The following PCBP2 variants were observed in gnomAD, a reference collection of about 807,000 sequenced individuals.
PCBP2 encodes poly(rC) binding protein 2, also known as poly(rC)-binding protein 2.
In PCBP2, 4 loss-of-function variants were observed where a neutral mutation model predicts 50.1. The observed-to-expected ratio is 0.08, with a 90% confidence interval of 0.04 to 0.18. The LOEUF (loss-of-function observed/expected upper bound fraction) is 0.18, where lower values mean the gene tolerates loss of function less well. PCBP2 is among the 10% of genes least tolerant of loss of function. The pLI is 1.00. For missense variants in PCBP2, 161 were observed against 474.3 expected, an observed-to-expected ratio of 0.34 and a Z score of 6.14; for synonymous variants, 179 against 168.0, an observed-to-expected ratio of 1.07 and a Z score of -0.51.
chr12:53,471,607 C>T (rs753957962), intron 13 of PCBP2, 31 bp from the exon 14 acceptor site: 14 of 1,585,280 alleles, frequency 8.8e-6, no homozygotes, highest in East Asian at 2.2e-5. Flanking sequence ...AACTCTAATT[C>T]GGTGTGCCTT....
intron 14 of PCBP2, among the ~76,000 whole-genome samples, chr12:53,478,937 C>CT (rs1468055566): frequency 6.6e-6 from 1 of 152,028 alleles, no homozygotes; most frequent in Admixed American, 6.6e-5. Flanking sequence ...AACTCCAGGG[C>CT]TTTAAAGTAA....
At position 53,480,183 on chromosome 12, in the gene PCBP2, CCA is replaced by C. The variant is rs1384386106; in HGVS notation, c.*742_*743del. 2.6e-5 allele frequency: 4 copies of C among 152,138 alleles called. No homozygotes were observed. The highest frequency in any genetic ancestry group is 9.7e-5 in the African/African-American group (4 of 41,402). The allele number at this position is 152,138 out of a possible 1,614,324, so 9.4% of individuals were successfully genotyped here. ...AGTTGATCATATGTCTGACTGGGTT[CCA>C]GTTTCTTGGGAATGTTGGTCCCCTT... On this transcript the variant is annotated 3_prime_UTR_variant, in exon 15 of 15. Coordinates refer to ENST00000546463, the MANE Select transcript of PCBP2 (RefSeq NM_031989.5).
At position 53,454,877 on chromosome 12, in the gene PCBP2, C is replaced by G. The variant is rs376806119; in HGVS notation, c.69+8C>G. On this transcript the variant is annotated splice_region_variant and intron_variant, in intron 2 of 14. Coordinates refer to ENST00000546463, the MANE Select transcript of PCBP2 (RefSeq NM_031989.5). Reference sequence around the variant, plus strand: ...CTACTTATGCATGGAAAGGTATGCTCTAGCTTGGGAAATGGGGTCATAGTA... The same window carrying G: ...CTACTTATGCATGGAAAGGTATGCTGTAGCTTGGGAAATGGGGTCATAGTA... 6.2e-6 allele frequency: 10 copies of G among 1,612,628 alleles called. No individual in the cohort carries two copies. In the Admixed American group the frequency reaches 8.3e-5, roughly 13 times the overall value.
In PCBP2 at chr12:53,481,138, A is replaced by T. The variant is rs1322100774; in HGVS notation, c.*1696A>T. Reference sequence around the variant, plus strand: ...ATATATATATATGTATATATATATAATTTATATAAATATTTCTCTATGTAC... The same window carrying T: ...ATATATATATATGTATATATATATATTTTATATAAATATTTCTCTATGTAC... On this transcript the variant is annotated 3_prime_UTR_variant, in exon 15 of 15. Transcript: ENST00000546463. 2 of 805,112 alleles carry T rather than the reference A, an allele frequency of 2.5e-6. No homozygotes were observed. The highest frequency in any genetic ancestry group is 4.4e-5 in the East Asian group (1 of 22,612). The allele number at this position is 805,112 out of a possible 1,614,324, so 49.9% of individuals were successfully genotyped here. A position where few individuals can be genotyped will look rare whatever the true frequency, so the allele number is the denominator to read the frequency against.
intron 5 of PCBP2, among the ~76,000 whole-genome samples, chr12:53,458,367 G>C (rs2137033229): frequency 6.7e-6 from 1 of 149,958 alleles, no homozygotes; most frequent in African/African-American, 2.5e-5. Context: ...GTGCAGTGGT[G>C]CAATCTCAGC....
At chr12:53,460,802 C>G (rs1384020842) in intron 6 of PCBP2, 2 of 456,930 alleles carry the variant, frequency 4.4e-6, no homozygotes, top group South Asian at 2.4e-5. Context: ...GTTATTCACG[C>G]TTATTCTTGT....
In PCBP2 at chr12:53,461,010, C is replaced by G. The variant is rs1565861542; in HGVS notation, c.376-5C>G. 1.2e-6 allele frequency: 2 copies of G among 1,612,650 alleles called. No homozygotes were observed. The highest frequency in any genetic ancestry group is 1.7e-6 in the Non-Finnish European group (2 of 1,179,724). On this transcript the variant is annotated splice_region_variant and splice_polypyrimidine_tract_variant and intron_variant, in intron 6 of 14. Transcript: ENST00000546463. ...TCTGATTTTGAATTTCTTTTTACTC[C>G]AAAGAGTACAGGGGCTCAGGTCCAG...
intron 14 of PCBP2, 34 bp downstream of exon 14, chr12:53,471,841 C>A (rs375209748): frequency 1.9e-6 from 3 of 1,586,910 alleles, no homozygotes; most frequent in Non-Finnish European, 2.6e-6. Context: ...TTATTTATGC[C>A]AACACAGTAA....
chr12:53,470,980 A>G (rs2137097617), intron 13 of PCBP2, among the ~76,000 whole-genome samples: 1 of 152,226 alleles, frequency 6.6e-6, no homozygotes, highest in Middle Eastern at 3.4e-3. Flanking sequence ...GGACAGAAAT[A>G]ATGAAGAGCT....
In PCBP2 at chr12:53,470,168, G is replaced by A. The variant is rs190525653; in HGVS notation, c.882+1336G>A. On this transcript the variant is annotated intron_variant, in intron 13 of 14. Transcript: ENST00000546463. ...TGGGAGGCTGAGGCAAGTGGGTCAC[G>A]AGGTCAGGAGACCAGCCTGACCATA... Among the ~76,000 whole-genome samples the A allele has an allele frequency of 7.9e-5, 12 of 151,656 alleles. No homozygotes were observed. In the South Asian group the frequency reaches 8.8e-4, roughly 11 times the overall value.
rs200957668 is a variant in PCBP2 at position 53,457,928 on chromosome 12, G to GTTTT, written c.244-1339_244-1336dup. 1.1e-3 allele frequency among the ~76,000 whole-genome samples: 162 copies of GTTTT among 152,038 alleles called. 2 individuals carry two copies. The East Asian group carries it at 0.027, about 25-fold the overall frequency. On this transcript the variant is annotated intron_variant, in intron 5 of 14. Coordinates refer to ENST00000546463, the MANE Select transcript of PCBP2 (RefSeq NM_031989.5). ...TCAATACAGTCAAATCTATAGGTTT[G>GTTTT]TTTTTTTTGTTTGTTTTGAGACGGA...
At chr12:53,467,722 TG>T (rs1270823157) in intron 11 of PCBP2, 82 bp from the exon 12 acceptor site, 3 of 1,082,758 alleles carry the variant, frequency 2.8e-6, no homozygotes, top group Non-Finnish European at 4.2e-6. Context: ...GTTTCGTTTT[TG>T]GGGCTTTTCT....
intron 9 of PCBP2, 184 bp downstream of exon 9, chr12:53,465,036 C>A: frequency 2.0e-5 from 11 of 549,446 alleles, no homozygotes; most frequent in East Asian, 3.6e-5. Context: ...CAGATGGTAA[C>A]ACCAACTTTT....
intron 6 of PCBP2, 131 bp downstream of exon 6, chr12:53,459,534 G>C: frequency 1.6e-6 from 1 of 618,966 alleles, no homozygotes; most frequent in Non-Finnish European, 2.6e-6. Flanking sequence ...ATTACAATGT[G>C]ATTGTACTGA....
chr12:53,466,793 C>T (rs906785900), intron 10 of PCBP2, among the ~76,000 whole-genome samples: 3 of 151,968 alleles, frequency 2.0e-5, no homozygotes, highest in Non-Finnish European at 4.4e-5. Context: ...CTCCCTGCCC[C>T]CCTCATCTCC....
chr12:53,479,156 AAAAG>A (rs758818832), intron 14 of PCBP2, among the ~76,000 whole-genome samples: 9 of 152,210 alleles, frequency 5.9e-5, no homozygotes, highest in Non-Finnish European at 8.8e-5. Flanking sequence ...AGGTGGAACT[AAAAG>A]AGAACATAGT....
At position 53,465,314 on chromosome 12, in the gene PCBP2, T is replaced by C. The variant is rs553444018; in HGVS notation, c.672+462T>C. On this transcript the variant is annotated intron_variant, in intron 9 of 14. Transcript: ENST00000546463. ...TTATGTTGTGGGGGGGAGGAGGGCA[T>C]AGTGGGAGCTGCAAATGCCTATGGA... is the stretch of plus-strand genomic sequence containing the variant. Among the ~76,000 whole-genome samples, 5 of 152,008 alleles carry C rather than the reference T, an allele frequency of 3.3e-5. No homozygotes were observed. In the East Asian group the frequency reaches 9.7e-4, roughly 29 times the overall value.
chr12:53,455,257 G>A (rs11170559), intron 2 of PCBP2, 90 bp from the exon 3 acceptor site: 7 of 1,226,732 alleles, frequency 5.7e-6, no homozygotes, highest in Non-Finnish European at 6.9e-6. Context: ...TACTTCATTA[G>A]AACATGTAGA....
rs757332352 is a variant in PCBP2, at chr12:53,456,010, T to C, written c.243+9T>C. 2.1e-6 allele frequency: 3 copies of C among 1,450,404 alleles called. No homozygotes were observed. The Admixed American group carries it at 5.0e-5, about 24-fold the overall frequency. The allele number at this position is 1,450,404 out of a possible 1,614,324, so 89.8% of individuals were successfully genotyped here. ...TTGACAAACTGGAAGAGGTTTGTTGTCTCCCACTCCCTCATTCTTCATTTT... is the reference window on the plus strand; with the variant it reads ...TTGACAAACTGGAAGAGGTTTGTTGCCTCCCACTCCCTCATTCTTCATTTT... On this transcript the variant is annotated intron_variant, in intron 5 of 14. Transcript: ENST00000546463.
Sources: gnomAD v4.1 joint callset for allele counts (sites outside exome capture counted in the v4.1 genomes callset) on GRCh38, gnomAD v4.1.1 for gene constraint, MANE v1.5 for transcripts, NCBI Gene and HGNC (gene_info 2026-07-23, HGNC 2026-07-21) for gene names.